The following RNF150 variants were observed in gnomAD, a reference collection of about 807,000 sequenced individuals.
The protein encoded by RNF150 is ring finger protein 150.
Under a neutral mutation model 39.3 loss-of-function variants are expected in RNF150, and 24 were observed. The ratio of observed to expected loss-of-function variants is 0.61; its 90% CI spans 0.44 to 0.86. The LOEUF is 0.86. Ranked by LOEUF, RNF150 falls within the 40% of genes least tolerant of loss-of-function variation. The probability of loss-of-function intolerance (pLI) is 0.00; values close to 1 mark genes in which losing one functional copy is unlikely to be tolerated. For missense variants in RNF150, 502 were observed against 587.8 expected, an observed-to-expected ratio of 0.85 and a Z score of 1.51; for synonymous variants, 255 against 227.3, an observed-to-expected ratio of 1.12 and a Z score of -1.10.
At chr4:141,034,477 C>G (rs1252413007) in intron 1 of RNF150, among the ~76,000 whole-genome samples, 1 of 152,136 alleles carries the variant, frequency 6.6e-6, no homozygotes, top group East Asian at 1.9e-4. Context: ...TCAAGTAGCC[C>G]TTTTAATTTC....
At chr4:140,962,693 T>C (rs1049064115) in intron 2 of RNF150, among the ~76,000 whole-genome samples, 11 of 151,928 alleles carry the variant, frequency 7.2e-5, no homozygotes, top group African/African-American at 1.2e-4. Flanking sequence ...ATATCATTCA[T>C]TGAGTGCTGA....
intron 1 of RNF150, among the ~76,000 whole-genome samples, chr4:141,204,630 G>A (rs1370163787): frequency 6.6e-6 from 1 of 152,088 alleles, no homozygotes; most frequent in Non-Finnish European, 1.5e-5. Context: ...TATTGTCAGG[G>A]GCAGAGCTGG....
In RNF150 at chr4:141,132,823, G is replaced by GC. The variant is rs1437545843; in HGVS notation, c.-16dup. 12 of 1,604,588 alleles carry GC rather than the reference G, an allele frequency of 7.5e-6. No individual in the cohort carries two copies. The African/African-American group carries it at 1.6e-4, about 22-fold the overall frequency. ...GACATTGCCATCTTTATCCGCCGGG[G>GC]CCCCCTCCCCGCCCCCGCGCCCTCC... is the stretch of plus-strand genomic sequence containing the variant. On this transcript the variant is annotated 5_prime_UTR_variant, in exon 1 of 7. Transcript: ENST00000515673. This position sits in a 1 kb window ranked among gnomAD's most constrained non-coding sequence, Gnocchi z 4.9.
At chr4:141,162,424 T>C (rs1727531425) in intron 1 of RNF150, among the ~76,000 whole-genome samples, 1 of 152,138 alleles carries the variant, frequency 6.6e-6, no homozygotes, top group South Asian at 2.1e-4. Flanking sequence ...TGCAGGTTCA[T>C]AGGCAGAAGA....
At chr4:140,900,870 A>G (rs1730164765) in intron 6 of RNF150, among the ~76,000 whole-genome samples, 1 of 152,034 alleles carries the variant, frequency 6.6e-6, no homozygotes, top group Non-Finnish European at 1.5e-5. Flanking sequence ...CAACAAACCT[A>G]TGAGGTAGGT....
At chr4:140,962,480 TCACA>T (rs564271304) in intron 2 of RNF150, among the ~76,000 whole-genome samples, 1 of 147,688 alleles carries the variant, frequency 6.8e-6, no homozygotes, top group Non-Finnish European at 1.5e-5. Context: ...TATGTATATC[TCACA>T]CACACACACA....
intron 1 of RNF150, among the ~76,000 whole-genome samples, chr4:140,974,422 C>T (rs7692524): frequency 0.25 from 37,710 of 152,016 alleles, 5,030 homozygotes; most frequent in African/African-American, 0.33. Context: ...GATGGACATA[C>T]GGATTATTGC....
At chr4:140,951,386 T>C (rs1732532739) in intron 2 of RNF150, among the ~76,000 whole-genome samples, 1 of 152,112 alleles carries the variant, frequency 6.6e-6, no homozygotes, top group South Asian at 2.1e-4. Context: ...GTGCCAAGTA[T>C]AGCTTTGGGT....
chr4:140,865,423 C>T lies in RNF150; in HGVS notation c.*2838G>A, dbSNP rs1728662028. On this transcript the variant is annotated 3_prime_UTR_variant, in exon 7 of 7. Transcript: ENST00000515673. ...TGCTTCTAGAGGGTACACACACCCT[C>T]TGACACTCATCTGTAGACTACCAGG... 1 of 152,570 alleles carries T rather than the reference C, an allele frequency of 6.6e-6. No homozygotes were observed. Among genetic ancestry groups the T allele is most frequent in the Non-Finnish European group, 1.5e-5 (1 of 68,040 alleles). The allele number at this position is 152,570 out of a possible 1,614,324, so 9.5% of individuals were successfully genotyped here. A position where few individuals can be genotyped will look rare whatever the true frequency, so the allele number is the denominator to read the frequency against.
At chr4:140,959,258 C>T (rs1461743289) in intron 2 of RNF150, among the ~76,000 whole-genome samples, 2 of 152,182 alleles carry the variant, frequency 1.3e-5, no homozygotes, top group Non-Finnish European at 2.9e-5. Context: ...CCTAAAACCC[C>T]AACCTTGACC....
intron 2 of RNF150, among the ~76,000 whole-genome samples, chr4:140,958,597 A>C (rs968787563): frequency 1.3e-5 from 2 of 152,172 alleles, no homozygotes; most frequent in African/African-American, 4.8e-5. Context: ...AGGATCAGGC[A>C]ATCAGCATTC....
chr4:141,173,447 G>A (rs1009110517), intron 1 of RNF150, among the ~76,000 whole-genome samples: 30 of 152,180 alleles, frequency 2.0e-4, no homozygotes, highest in South Asian at 2.1e-4. Context: ...CCACAACAAC[G>A]CTGAAAGGTA....
chr4:141,031,229 C>T (rs770367709), intron 1 of RNF150, among the ~76,000 whole-genome samples: 59 of 152,024 alleles, frequency 3.9e-4, no homozygotes, highest in Non-Finnish European at 6.6e-4. Context: ...AAACTAGACC[C>T]TTATCTCACA....
chr4:140,926,096 T>TA, intron 4 of RNF150, 23 bp from the exon 5 acceptor site: 3 of 1,550,708 alleles, frequency 1.9e-6, no homozygotes, highest in Non-Finnish European at 2.7e-6. Flanking sequence ...CCATACATCT[T>TA]AGAGCGGCGG....
intron 1 of RNF150, among the ~76,000 whole-genome samples, chr4:141,076,399 C>T (rs970006127): frequency 9.2e-5 from 14 of 152,140 alleles, no homozygotes; most frequent in Admixed American, 2.6e-4. Flanking sequence ...GTAACCTCTT[C>T]CTTGATCTGG....
upstream of RNF150, among the ~76,000 whole-genome samples, chr4:141,134,296 A>G (rs1297211719): frequency 2.6e-5 from 4 of 152,190 alleles, no homozygotes; most frequent in African/African-American, 9.7e-5. Flanking sequence ...ACTGTAGTAC[A>G]GCAGAGTGCC....
intron 5 of RNF150, among the ~76,000 whole-genome samples, chr4:140,917,994 G>A (rs912620624): frequency 4.6e-5 from 7 of 151,634 alleles, no homozygotes; most frequent in South Asian, 4.2e-4. Flanking sequence ...TGAAACCAAC[G>A]AGAACAAAGA....
intron 1 of RNF150, among the ~76,000 whole-genome samples, chr4:141,005,249 G>A (rs1734820799): frequency 6.6e-6 from 1 of 152,218 alleles, no homozygotes; most frequent in Non-Finnish European, 1.5e-5. Flanking sequence ...AGAAATCCAA[G>A]TAGAGATACT....
At chr4:141,014,458 A>C (rs148185097) in intron 1 of RNF150, among the ~76,000 whole-genome samples, 1 of 152,350 alleles carries the variant, frequency 6.6e-6, no homozygotes, top group East Asian at 1.9e-4. Flanking sequence ...CATTCCCACC[A>C]ATAATGTATA....
Sources: gnomAD v4.1 joint callset for allele counts (sites outside exome capture counted in the v4.1 genomes callset) on GRCh38, gnomAD v4.1.1 for gene constraint, Gnocchi (gnomAD v3.1) non-coding constraint, MANE v1.5 for transcripts, NCBI Gene and HGNC (gene_info 2026-07-23, HGNC 2026-07-21) for gene names.